KDM5B: variants seen among roughly 807,000 people sequenced by gnomAD.
KDM5B encodes lysine demethylase 5B.
KDM5B carries 144 observed loss-of-function variants against 193.4 expected under a neutral mutation model. The ratio of observed to expected loss-of-function variants is 0.74; its 90% CI spans 0.65 to 0.86. The LOEUF is 0.86. KDM5B is among the 40% of genes least tolerant of loss of function. KDM5B has a pLI of 0.00. For synonymous variants in KDM5B, 668 were observed against 682.6 expected (o/e 0.98, Z 0.33); for missense variants, 1,833 against 1,886.9 (o/e 0.97, Z 0.53).
In KDM5B at chr1:202,725,381, TTTG is replaced by T. The variant is rs1209275387; in HGVS notation, c.*3652_*3654del. The stretch of plus-strand genomic sequence containing the variant: ...TACAAATTCCTACTTTATACAATTT[TTTG>T]TTTAGGCAGCTTTTCAGTAACATTT... On this transcript the variant is annotated 3_prime_UTR_variant, in exon 27 of 27. Coordinates refer to ENST00000367265, the MANE Select transcript of KDM5B (RefSeq NM_006618.5). 1.3e-5 allele frequency: 2 copies of T among 152,240 alleles called. No individual in the cohort carries two copies. Among genetic ancestry groups the T allele is most frequent in the Non-Finnish European group, 1.5e-5 (1 of 68,048 alleles). 9.4% of individuals were successfully genotyped at this position (152,240 alleles called of 1,614,324 possible). A position where few individuals can be genotyped will look rare whatever the true frequency, so the allele number is the denominator to read the frequency against.
chr1:202,788,152 C>A (rs959910324), intron 1 of KDM5B, among the ~76,000 whole-genome samples: 19 of 152,100 alleles, frequency 1.2e-4, no homozygotes, highest in Admixed American at 6.5e-4. Context: ...ATTTATTGAC[C>A]GCCTATTTTT....
chr1:202,732,227 A>G (rs1558478912), intron 23 of KDM5B: 1 of 342,140 alleles, frequency 2.9e-6, no homozygotes, highest in Non-Finnish European at 5.3e-6. Context: ...GTGAGAACAG[A>G]TCATACAGCC....
At chr1:202,801,003 C>G (rs942621303) in intron 1 of KDM5B, among the ~76,000 whole-genome samples, 33 of 152,132 alleles carry the variant, frequency 2.2e-4, no homozygotes, top group Admixed American at 2.0e-3. Flanking sequence ...CATAATTGCC[C>G]AAATGTCACT....
chr1:202,769,503 T>C (rs865903757), intron 4 of KDM5B, among the ~76,000 whole-genome samples: 1 of 150,808 alleles, frequency 6.6e-6, no homozygotes, highest in Admixed American at 6.6e-5. Context: ...AACCCCGTCC[T>C]TACTAAAAGT....
chr1:202,786,659 C>T (rs2102322183), intron 1 of KDM5B, among the ~76,000 whole-genome samples: 1 of 152,320 alleles, frequency 6.6e-6, no homozygotes, highest in East Asian at 1.9e-4. Context: ...AACTTCTTGA[C>T]TGCATGTTCT....
intron 4 of KDM5B, among the ~76,000 whole-genome samples, chr1:202,772,819 C>T (rs986805010): frequency 6.6e-6 from 1 of 152,000 alleles, no homozygotes; most frequent in African/African-American, 2.4e-5. Context: ...GCCTCAGCCT[C>T]CCTAGTAGCT....
chr1:202,782,922 G>C (rs1306485881), intron 1 of KDM5B, among the ~76,000 whole-genome samples: 2 of 152,084 alleles, frequency 1.3e-5, no homozygotes, highest in Non-Finnish European at 1.5e-5. Flanking sequence ...AGGCCAAAAG[G>C]GGGAGGACTG....
intron 8 of KDM5B, among the ~76,000 whole-genome samples, chr1:202,759,497 C>T (rs780831718): frequency 1.2e-4 from 18 of 149,878 alleles, no homozygotes; most frequent in Non-Finnish European, 2.5e-4. Flanking sequence ...GCTGAGATCA[C>T]GCCACTGCAC....
In KDM5B at chr1:202,760,478, G is replaced by A; in HGVS notation, c.1014C>T (p.Cys338=). Reference sequence around the variant, plus strand: ...GAACATCATGGAGAGGTGGGATCAAGCAAAAGGTATGGTAACTGTCATCAC... The same window carrying A: ...GAACATCATGGAGAGGTGGGATCAAACAAAAGGTATGGTAACTGTCATCAC... ...DGCDDSYHTF[C]LIPPLHDVPK... is the part of the protein sequence containing the mutation. Residue 338 remains cysteine (C), a synonymous_variant, in exon 8 of 27, where the codon TGC becomes TGT. Transcript: ENST00000367265. 6.2e-7 allele frequency: 1 copy of A among 1,613,676 alleles called. No homozygotes were observed. The highest frequency in any genetic ancestry group is 1.7e-5 in the Admixed American group (1 of 59,970).
intron 1 of KDM5B, among the ~76,000 whole-genome samples, chr1:202,779,835 A>ATAAG (rs1657124021): frequency 6.6e-6 from 1 of 150,728 alleles, no homozygotes; most frequent in South Asian, 2.1e-4. Flanking sequence ...AAATAAATAA[A>ATAAG]TAAATAAATA....
Position 202,808,195 on chromosome 1 carries a change from G to A in KDM5B, c.111C>T (p.Pro37=), listed in dbSNP as rs1167791196. ...LPPPECPVFE[P]SWEEFADPFA... ...AGGGGTCCGCGAACTCTTCCCAGCT[G>A]GGTTCGAAGACCGGGCACTCGGGTG... Residue 37 remains proline, a synonymous_variant, in exon 1 of 27, where the codon CCC becomes CCT. Coordinates refer to ENST00000367265, the MANE Select transcript of KDM5B (RefSeq NM_006618.5). 6.2e-7 allele frequency: 1 copy of A among 1,613,128 alleles called. No homozygotes were observed. Among genetic ancestry groups the A allele is most frequent in the South Asian group, 1.1e-5 (1 of 91,066 alleles).
intron 14 of KDM5B, 87 bp downstream of exon 14, chr1:202,748,858 G>A (rs1655673568): frequency 1.8e-6 from 2 of 1,081,536 alleles, no homozygotes; most frequent in South Asian, 1.6e-5. Context: ...GCTTTAAAAA[G>A]ACTGCTTAAA....
intron 1 of KDM5B, among the ~76,000 whole-genome samples, chr1:202,800,202 G>C (rs1006554899): frequency 2.6e-5 from 4 of 151,272 alleles, no homozygotes; most frequent in African/African-American, 9.7e-5. Context: ...GTACCACCAC[G>C]CCCAGCTAAT....
Position 202,735,632 on chromosome 1 carries a change from T to A in KDM5B, c.3265-45A>T, listed in dbSNP as rs371729335. 8.0e-4 allele frequency: 1,251 copies of A among 1,566,448 alleles called. 1 individual carries two copies. The highest frequency in any genetic ancestry group is 1.0e-3 in the Non-Finnish European group (1,177 of 1,140,666). ...AACCAATGGTAAAATAAATTTCAGA[T>A]AAAGCATTATGTAGGAAGTCCCAAA... On this transcript the variant is annotated intron_variant, in intron 21 of 26. Coordinates refer to ENST00000367265, the MANE Select transcript of KDM5B (RefSeq NM_006618.5).
chr1:202,797,643 T>C (rs12121653), intron 1 of KDM5B, among the ~76,000 whole-genome samples: 25,699 of 152,138 alleles, frequency 0.17, 2,692 homozygotes, highest in Middle Eastern at 0.33. Context: ...ACCCCTCCTG[T>C]CAGACATGAA....
chr1:202,768,642 G>A (rs1469609255), intron 4 of KDM5B, among the ~76,000 whole-genome samples: 2 of 151,534 alleles, frequency 1.3e-5, no homozygotes, highest in African/African-American at 2.4e-5. Flanking sequence ...TGGTAATAGC[G>A]CTCTATAAAT....
chr1:202,748,510 T>A (rs1178036255), intron 14 of KDM5B, among the ~76,000 whole-genome samples: 24 of 145,314 alleles, frequency 1.7e-4, no homozygotes, highest in Non-Finnish European at 2.3e-4. Context: ...CTATCTGATT[T>A]AAAAAAAAAA....
Position 202,733,531 on chromosome 1 carries a change from A to C in KDM5B, c.3779T>G (p.Val1260Gly), listed in dbSNP as rs1335968463. ...TTGCTGGGCTCTGTGCTGCCAGTTC[A>C]CGGTTCTTTCAATCATATATCGAAG... ...DALRYMIERT[V>G]NWQHRAQQLL... is the part of the protein sequence containing the mutation. Residue 1260 changes from valine (V) to glycine (G), a missense_variant, in exon 23 of 27, where the codon GTG (valine) becomes GGG (glycine). By Grantham distance (109) the Val-to-Gly change is moderately radical. Coordinates refer to ENST00000367265, the MANE Select transcript of KDM5B (RefSeq NM_006618.5). 1 of 1,614,088 alleles carries C rather than the reference A, an allele frequency of 6.2e-7. No homozygotes were observed. The highest frequency in any genetic ancestry group is 1.1e-5 in the South Asian group (1 of 91,082).
chr1:202,748,923 G>A (rs760444298), intron 14 of KDM5B, 22 bp downstream of exon 14: 2 of 1,578,966 alleles, frequency 1.3e-6, no homozygotes, highest in South Asian at 1.2e-5. Flanking sequence ...ACAACATGCA[G>A]TTGGATTTCC....
Sources: allele counts gnomAD v4.1 joint callset (sites outside exome capture counted in the v4.1 genomes callset), GRCh38; gene constraint gnomAD v4.1.1; transcripts MANE v1.5; gene names NCBI Gene and HGNC (gene_info 2026-07-23, HGNC 2026-07-21).